The following KIF2A variants were observed in gnomAD, a reference collection of about 807,000 sequenced individuals.
KIF2A encodes the protein kinesin family member 2A.
In KIF2A, 22 loss-of-function variants were observed where a neutral mutation model predicts 100.2. The observed-to-expected ratio is 0.22, with a 90% confidence interval of 0.16 to 0.31. KIF2A has a LOEUF of 0.31. Ranked by LOEUF, KIF2A falls within the 10% of genes least tolerant of loss-of-function variation. The pLI is 1.00. For synonymous variants in KIF2A, 268 were observed against 285.9 expected (o/e 0.94, Z 0.63); for missense variants, 495 against 898.7 (o/e 0.55, Z 5.74).
intron 1 of KIF2A, among the ~76,000 whole-genome samples, chr5:62,339,417 C>T (rs1377905880): frequency 6.6e-6 from 1 of 151,384 alleles, no homozygotes; most frequent in Non-Finnish European, 1.5e-5. Flanking sequence ...TACAATTCCA[C>T]GTGAGATTTA....
At chr5:62,340,592 C>A (rs781191235) in intron 1 of KIF2A, among the ~76,000 whole-genome samples, 65 of 152,030 alleles carry the variant, frequency 4.3e-4, no homozygotes, top group Admixed American at 6.6e-4. Context: ...TTGTTCTCCC[C>A]CTAGTGGCAT....
intron 1 of KIF2A, among the ~76,000 whole-genome samples, chr5:62,345,078 C>CTCTA (rs946787537): frequency 1.3e-5 from 2 of 150,772 alleles, no homozygotes; most frequent in Non-Finnish European, 3.0e-5. Flanking sequence ...AAACCCTGTC[C>CTCTA]TCTACTAAAA....
intron 3 of KIF2A, among the ~76,000 whole-genome samples, chr5:62,349,194 T>C (rs986004616): frequency 6.6e-6 from 1 of 151,624 alleles, no homozygotes; most frequent in Non-Finnish European, 1.5e-5. Flanking sequence ...TAGCAACCTT[T>C]ACTGTACATT....
At chr5:62,341,642 C>A (rs1747302308) in intron 1 of KIF2A, among the ~76,000 whole-genome samples, 1 of 152,088 alleles carries the variant, frequency 6.6e-6, no homozygotes, top group Admixed American at 6.6e-5. Flanking sequence ...ATCTCTCTAG[C>A]CTGTCTTTGG....
chr5:62,359,168 T>C (rs183126264), intron 9 of KIF2A, among the ~76,000 whole-genome samples: 9 of 152,330 alleles, frequency 5.9e-5, no homozygotes, highest in Admixed American at 1.3e-4. Context: ...GTGTTATACA[T>C]TGGTATCTCA....
At chr5:62,326,078 A>G (rs1011771698) in intron 1 of KIF2A, among the ~76,000 whole-genome samples, 1 of 152,128 alleles carries the variant, frequency 6.6e-6, no homozygotes, top group Non-Finnish European at 1.5e-5. Flanking sequence ...GTGACATGCA[A>G]TTTACTCATG....
chr5:62,374,281 A>G (rs1741445964), intron 18 of KIF2A, among the ~76,000 whole-genome samples: 1 of 152,206 alleles, frequency 6.6e-6, no homozygotes, highest in African/African-American at 2.4e-5. Flanking sequence ...CTATTTTTAC[A>G]AATAAAGTTT....
chr5:62,311,378 G>C (rs1469673866), intron 1 of KIF2A, among the ~76,000 whole-genome samples: 2 of 152,152 alleles, frequency 1.3e-5, no homozygotes, highest in Non-Finnish European at 2.9e-5. Flanking sequence ...GAAGTGCTAT[G>C]TTACTACAAG....
intron 1 of KIF2A, among the ~76,000 whole-genome samples, chr5:62,317,182 G>A (rs966710646): frequency 7.2e-5 from 11 of 151,974 alleles, no homozygotes; most frequent in African/African-American, 2.2e-4. Context: ...CCAAGTAGCT[G>A]GGATTACAGG....
chr5:62,336,537 T>TA (rs1266418945), intron 1 of KIF2A, among the ~76,000 whole-genome samples: 2 of 152,292 alleles, frequency 1.3e-5, no homozygotes, highest in Non-Finnish European at 2.9e-5. Context: ...GAAACATTTC[T>TA]AAATAACTCA....
At chr5:62,317,052 CTT>C (rs757855450) in intron 1 of KIF2A, among the ~76,000 whole-genome samples, 45 of 141,616 alleles carry the variant, frequency 3.2e-4, no homozygotes, top group Admixed American at 5.0e-4. Flanking sequence ...AACTTTAGCC[CTT>C]TTTTTTTTTT....
rs138220778 is a variant in KIF2A at position 62,330,678 on chromosome 5, C to G, written c.65-16452C>G. Among the ~76,000 whole-genome samples the G allele has an allele frequency of 3.3e-5, 5 of 152,186 alleles. No individual in the cohort carries two copies. In the South Asian group the frequency reaches 8.3e-4, roughly 25 times the overall value. On this transcript the variant is annotated intron_variant, in intron 1 of 20. Transcript: ENST00000407818. ...CCTCTTAGTCTCTGCTTGAGAGGTA[C>G]AGGAGATAACTAGATTTTATTAGCA...
At chr5:62,363,117 T>G in intron 12 of KIF2A, 61 bp from the exon 13 acceptor site, 1 of 1,409,624 alleles carries the variant, frequency 7.1e-7, no homozygotes, top group African/African-American at 1.4e-5. Flanking sequence ...CGTGAGCCAT[T>G]GCACCTAGCC....
In KIF2A at chr5:62,363,770, A is replaced by C. The variant is rs1561274808; in HGVS notation, c.1338A>C (p.Lys446Asn). 1 of 1,613,982 alleles carries C rather than the reference A, an allele frequency of 6.2e-7. No homozygotes were observed. Among genetic ancestry groups the C allele is most frequent in the Non-Finnish European group, 8.5e-7 (1 of 1,179,838 alleles). ...HAVFQIILRR[K>N]GKLHGKFSLI... is the part of the protein sequence containing the mutation. ...TGTTTCAGATTATTCTTAGAAGGAA[A>C]GGAAAACTACATGGCAAATTTTCTC... The change falls in exon 14 of 21, where the codon AAA becomes AAC. Residue 446 changes from lysine (K) to asparagine (N), a missense_variant. This residue lies in a region of KIF2A where 38 missense variants were observed against 99.5 expected (regional missense o/e 0.38). Coordinates refer to ENST00000407818, the MANE Select transcript of KIF2A (RefSeq NM_001098511.3).
At chr5:62,306,970 T>G (rs1053364738) in intron 1 of KIF2A, 280 of 76,184 alleles carry the variant, frequency 3.7e-3, no homozygotes, top group African/African-American at 4.8e-3. Flanking sequence ...GGGATGGGGG[T>G]GGGGGAGCGG....
chr5:62,384,327 A>G (rs991353662), intron 20 of KIF2A, among the ~76,000 whole-genome samples: 10 of 152,248 alleles, frequency 6.6e-5, no homozygotes, highest in Non-Finnish European at 1.3e-4. Flanking sequence ...CAAAAAAGTT[A>G]ACTTTTTAAA....
intron 16 of KIF2A, among the ~76,000 whole-genome samples, chr5:62,372,142 A>AG (rs1264117183): frequency 6.6e-6 from 1 of 152,180 alleles, no homozygotes; most frequent in Non-Finnish European, 1.5e-5. Flanking sequence ...TCATGTAGTT[A>AG]GGGGGGCATT....
rs779793946 is a variant in KIF2A at position 62,357,754 on chromosome 5, C to T, written c.709+9C>T. ...ACCACTCAATAAAAAAGGTATGGCA[C>T]TTAATGAGCTCTAATAAAAGATTGA... On this transcript the variant is annotated intron_variant, in intron 8 of 20. Transcript: ENST00000407818. The T allele has an allele frequency of 4.1e-6, 6 of 1,457,836 alleles. No individual in the cohort carries two copies. In the East Asian group the frequency reaches 9.1e-5, roughly 22 times the overall value. The allele number at this position is 1,457,836 out of a possible 1,614,324, so 90.3% of individuals were successfully genotyped here. A position where few individuals can be genotyped will look rare whatever the true frequency, so the allele number is the denominator to read the frequency against.
At chr5:62,348,293 C>A in intron 3 of KIF2A, 126 bp downstream of exon 3, 2 of 862,690 alleles carry the variant, frequency 2.3e-6, no homozygotes, top group Non-Finnish European at 3.5e-6. Flanking sequence ...CTTTTTCTGC[C>A]ATCATATTCA....
Sources: gnomAD v4.1 joint callset for allele counts (sites outside exome capture counted in the v4.1 genomes callset) on GRCh38, gnomAD v4.1.1 for gene constraint, gnomAD v4.1.1 regional missense constraint, MANE v1.5 for transcripts, NCBI Gene and HGNC (gene_info 2026-07-23, HGNC 2026-07-21) for gene names.